Variants in RDH10 observed in about 807,000 individuals in gnomAD.
RDH10 encodes the protein retinol dehydrogenase 10.
A neutral mutation model predicts 30.2 loss-of-function variants in RDH10; 12 were observed. The observed-to-expected ratio is 0.40, with a 90% CI of 0.25 to 0.64. The LOEUF (loss-of-function observed/expected upper bound fraction) is 0.64. Ranked by LOEUF, RDH10 falls within the 30% of genes least tolerant of loss-of-function variation. The probability of loss-of-function intolerance (pLI) is 0.43; values close to 1 mark genes in which losing one functional copy is unlikely to be tolerated. For missense variants in RDH10, 268 were observed against 445.2 expected, an observed-to-expected ratio of 0.60 and a Z score of 3.58; for synonymous variants, 189 against 172.2, an observed-to-expected ratio of 1.10 and a Z score of -0.76.
At chr8:73,309,372 C>A (rs188157515) in intron 2 of RDH10, among the ~76,000 whole-genome samples, 1 of 152,116 alleles carries the variant, frequency 6.6e-6, no homozygotes, top group African/African-American at 2.4e-5. Context: ...TTTTTCAGTT[C>A]TCATAATTTA....
chr8:73,316,694 G>T (rs1273070724), intron 2 of RDH10, among the ~76,000 whole-genome samples: 2 of 152,180 alleles, frequency 1.3e-5, no homozygotes, highest in African/African-American at 2.4e-5. Context: ...TCACGGTTCT[G>T]CAGGCTGTAC....
chr8:73,324,131 A>G lies in RDH10; in HGVS notation c.*1095A>G, dbSNP rs1359102373. ...TATCTAGAATACATAGCAGCTCTGC[A>G]AAGGAACAGTTTTTAAAAATGGGAA... On this transcript the variant is annotated 3_prime_UTR_variant, in exon 6 of 6. Coordinates refer to ENST00000240285, the MANE Select transcript of RDH10 (RefSeq NM_172037.5). 1 of 152,664 alleles carries G rather than the reference A, an allele frequency of 6.6e-6. No individual in the cohort carries two copies. The highest frequency in any genetic ancestry group is 1.5e-5 in the Non-Finnish European group (1 of 68,044). 9.5% of individuals were successfully genotyped at this position (152,664 alleles called of 1,614,324 possible).
At chr8:73,301,476 G>A (rs1363085025) in intron 2 of RDH10, among the ~76,000 whole-genome samples, 1 of 151,828 alleles carries the variant, frequency 6.6e-6, no homozygotes, top group South Asian at 2.1e-4. Flanking sequence ...AAGCATTATG[G>A]GCTGGGCACG....
chr8:73,309,849 C>CT (rs1463099548), intron 2 of RDH10, among the ~76,000 whole-genome samples: 1 of 152,092 alleles, frequency 6.6e-6, no homozygotes, highest in Non-Finnish European at 1.5e-5. Flanking sequence ...CTGCTGGCAT[C>CT]TAGTGGAGAG....
chr8:73,308,681 A>G lies in RDH10; in HGVS notation c.526-10415A>G, dbSNP rs76137909. Among the ~76,000 whole-genome samples the G allele has an allele frequency of 5.0e-3, 767 of 152,298 alleles. 4 individuals are homozygous for G. The highest frequency in any genetic ancestry group is 0.018 in the African/African-American group (734 of 41,556). ...AAAAATGGATCCAAGGTAAATAGAC[A>G]TAGAGTCAGTCCACAAAGTCCCATG... On this transcript the variant is annotated intron_variant, in intron 2 of 5. Coordinates refer to ENST00000240285, the MANE Select transcript of RDH10 (RefSeq NM_172037.5).
intron 2 of RDH10, among the ~76,000 whole-genome samples, chr8:73,315,115 TTCTC>T (rs1814635685): frequency 6.7e-6 from 1 of 150,072 alleles, no homozygotes; most frequent in Non-Finnish European, 1.5e-5. Context: ...TGGTTTCTCT[TTCTC>T]TCTCCCTTCC....
chr8:73,307,255 A>C (rs1814480160), intron 2 of RDH10, among the ~76,000 whole-genome samples: 4 of 152,110 alleles, frequency 2.6e-5, no homozygotes, highest in Admixed American at 2.6e-4. Context: ...GATGAAAGGG[A>C]CTAGGCAGCT....
chr8:73,315,728 T>C (rs916683847), intron 2 of RDH10: 10 of 299,360 alleles, frequency 3.3e-5, no homozygotes, highest in African/African-American at 1.9e-4. Context: ...GAGTGAGTGA[T>C]TCAGATTTGT....
chr8:73,322,778 C>G lies in RDH10; in HGVS notation c.870C>G (p.Pro290=). ...CTGACCAGCCCATGATCTGCACTCC[C>G]CGCCTCATGTACATCGTGACCTTCA... ...ILTDQPMICT[P]RLMYIVTFMK... Residue 290 remains proline (P), a synonymous_variant, in exon 5 of 6, where the codon CCC becomes CCG. Coordinates refer to ENST00000240285, the MANE Select transcript of RDH10 (RefSeq NM_172037.5). The G allele has an allele frequency of 1.2e-6, 2 of 1,614,198 alleles. No homozygotes were observed. Among genetic ancestry groups the G allele is most frequent in the Non-Finnish European group, 1.7e-6 (2 of 1,180,038 alleles).
intron 4 of RDH10, chr8:73,322,206 G>T (rs993828816): frequency 8.5e-6 from 3 of 352,894 alleles, no homozygotes; most frequent in African/African-American, 4.3e-5. Flanking sequence ...GGGGCCCCTA[G>T]AGAATATACC....
At chr8:73,300,227 T>A (rs1205752622) in intron 2 of RDH10, 1 of 152,232 alleles carries the variant, frequency 6.6e-6, no homozygotes, top group Non-Finnish European at 1.5e-5. Flanking sequence ...CTTGCTGAAA[T>A]TTACAAATCT....
intron 2 of RDH10, among the ~76,000 whole-genome samples, chr8:73,314,493 T>C (rs1814625877): frequency 6.6e-6 from 1 of 152,188 alleles, no homozygotes; most frequent in Admixed American, 6.5e-5. Flanking sequence ...AGGAAATGAT[T>C]AACAGCCTTC....
chr8:73,296,167 A>G (rs990031025), intron 1 of RDH10, among the ~76,000 whole-genome samples: 4 of 152,138 alleles, frequency 2.6e-5, no homozygotes, highest in African/African-American at 9.7e-5. Flanking sequence ...GCTTCGTTGT[A>G]AATTTCTTCC....
chr8:73,319,423 G>C (rs1303396683), intron 3 of RDH10, among the ~76,000 whole-genome samples: 1 of 152,198 alleles, frequency 6.6e-6, no homozygotes, highest in Admixed American at 6.5e-5. Flanking sequence ...TACTTGAGAG[G>C]CTGAGGTGGG....
rs908307109 is a variant in RDH10 at position 73,294,712 on chromosome 8, G to A, written c.-578G>A. The A allele has an allele frequency of 1.9e-5, 7 of 370,108 alleles. No homozygotes were observed. Among genetic ancestry groups the A allele is most frequent in the Non-Finnish European group, 4.8e-6 (1 of 208,166 alleles). 22.9% of individuals were successfully genotyped at this position (370,108 alleles called of 1,614,324 possible). A position where few individuals can be genotyped will look rare whatever the true frequency, so the allele number is the denominator to read the frequency against. On this transcript the variant is annotated 5_prime_UTR_variant, in exon 1 of 6. Transcript: ENST00000240285. ...CGGGGAACGCGAGCCCTCGGGGGCA[G>A]CTGCAAGGCGTTGGGCAGCGCTTGC...
intron 2 of RDH10, among the ~76,000 whole-genome samples, chr8:73,309,445 A>T (rs1428001006): frequency 1.3e-5 from 2 of 152,202 alleles, no homozygotes; most frequent in Non-Finnish European, 2.9e-5. Flanking sequence ...GTCATCTTCT[A>T]TGACATTTCA....
Position 73,294,858 on chromosome 8 carries a change from CG to C in RDH10, c.-431del. 1 of 390,858 alleles carries C rather than the reference CG, an allele frequency of 2.6e-6. No individual in the cohort carries two copies. Among genetic ancestry groups the C allele is most frequent in the Admixed American group, 4.5e-5 (1 of 22,448 alleles). The allele number at this position is 390,858 out of a possible 1,614,324, so 24.2% of individuals were successfully genotyped here. Reference sequence around the variant, plus strand: ...GCAGCCCGCTGGCCCGTGCCGCCTCCGCTGCGCACCCCTCCCCCGGGGTGAG... The same window carrying C: ...GCAGCCCGCTGGCCCGTGCCGCCTCCCTGCGCACCCCTCCCCCGGGGTGAG... On this transcript the variant is annotated 5_prime_UTR_variant, in exon 1 of 6. Coordinates refer to ENST00000240285, the MANE Select transcript of RDH10 (RefSeq NM_172037.5).
chr8:73,322,092 G>A, intron 4 of RDH10: 1 of 423,624 alleles, frequency 2.4e-6, no homozygotes, highest in Non-Finnish European at 4.7e-6. Context: ...CCAAAGCTAT[G>A]GTGGCAAAAT....
intron 2 of RDH10, among the ~76,000 whole-genome samples, chr8:73,305,055 A>G (rs975799046): frequency 1.3e-5 from 2 of 152,234 alleles, no homozygotes; most frequent in African/African-American, 2.4e-5. Context: ...GGATATGTCA[A>G]AGTGGAAGCA....
Sources: allele counts gnomAD v4.1 joint callset (sites outside exome capture counted in the v4.1 genomes callset), GRCh38; gene constraint gnomAD v4.1.1; transcripts MANE v1.5; gene names NCBI Gene and HGNC (gene_info 2026-07-23, HGNC 2026-07-21).